Variants in FAM114A2 observed in about 807,000 individuals in gnomAD.
FAM114A2 encodes the protein protein FAM114A2.
Under a neutral mutation model 58.4 loss-of-function variants are expected in FAM114A2, and 53 were observed. That is an observed-to-expected ratio of 0.91 (90% CI 0.73 to 1.14). FAM114A2 has a LOEUF of 1.14. Ranked by LOEUF, FAM114A2 falls within the 50% of genes most tolerant of loss-of-function variation. The pLI, the probability that FAM114A2 is intolerant of heterozygous loss-of-function variation, is 0.00. For synonymous variants in FAM114A2, 228 were observed against 211.4 expected (o/e 1.08, Z -0.68); for missense variants, 601 against 581.1 (o/e 1.03, Z -0.35).
intron 8 of FAM114A2, among the ~76,000 whole-genome samples, chr5:154,023,453 A>T (rs1027069220): frequency 2.0e-5 from 3 of 152,206 alleles, no homozygotes; most frequent in African/African-American, 7.2e-5. Context: ...CATAAAAACG[A>T]ATGAATTAAT....
rs905896041 is a variant in FAM114A2 at position 153,992,161 on chromosome 5, T to C, written c.*815A>G. 2.0e-5 allele frequency: 3 copies of C among 152,232 alleles called. No homozygotes were observed. The highest frequency in any genetic ancestry group is 7.2e-5 in the African/African-American group (3 of 41,468). 9.4% of individuals were successfully genotyped at this position (152,232 alleles called of 1,614,324 possible). ...TTCAACATTCCTTTGGAGTTTGCTG[T>C]TAAAGAATTTATCCTGCATATATGG... On this transcript the variant is annotated 3_prime_UTR_variant, in exon 14 of 14. Coordinates refer to ENST00000351797, the MANE Select transcript of FAM114A2 (RefSeq NM_018691.4).
At chr5:154,015,253 G>A (rs150848804) in intron 8 of FAM114A2, among the ~76,000 whole-genome samples, 4 of 152,140 alleles carry the variant, frequency 2.6e-5, no homozygotes, top group Non-Finnish European at 4.4e-5. Flanking sequence ...CTCACTGCCT[G>A]TTCCTCTCCA....
rs575726636 is a variant in FAM114A2 at position 154,019,696 on chromosome 5, T to C, written c.913+6703A>G. Among the ~76,000 whole-genome samples the C allele has an allele frequency of 1.5e-3, 222 of 152,222 alleles. 1 individual carries two copies. Among genetic ancestry groups the C allele is most frequent in the African/African-American group, 5.1e-3 (212 of 41,532 alleles). ...GTATAAAAACAGGCACGTAGTCCAA[T>C]AGAACAGAATAGAGAACCCAGAAAC... On this transcript the variant is annotated intron_variant, in intron 8 of 13. Coordinates refer to ENST00000351797, the MANE Select transcript of FAM114A2 (RefSeq NM_018691.4).
At position 154,002,135 on chromosome 5, in the gene FAM114A2, AT is replaced by A. The variant is rs1770014257; in HGVS notation, c.1256+115del. On this transcript the variant is annotated intron_variant, in intron 11 of 13. Coordinates refer to ENST00000351797, the MANE Select transcript of FAM114A2 (RefSeq NM_018691.4). The stretch of plus-strand genomic sequence containing the variant: ...AACCAAAATGAACAAACCATCTAAT[AT>A]GTGGATGGGTGTGACGTGAATGGTT... 3.6e-6 allele frequency: 3 copies of A among 840,644 alleles called. No individual in the cohort carries two copies. The South Asian group carries it at 5.4e-5, about 15-fold the overall frequency. 52.1% of individuals were successfully genotyped at this position (840,644 alleles called of 1,614,324 possible).
intron 5 of FAM114A2, among the ~76,000 whole-genome samples, chr5:154,028,644 A>C (rs905585499): frequency 6.6e-6 from 1 of 152,250 alleles, no homozygotes; most frequent in South Asian, 2.1e-4. Flanking sequence ...TGGAATGAAT[A>C]AATAAAACGT....
chr5:154,020,715 G>T (rs190383212), intron 8 of FAM114A2, among the ~76,000 whole-genome samples: 68 of 152,020 alleles, frequency 4.5e-4, no homozygotes, highest in Middle Eastern at 3.4e-3. Flanking sequence ...TCTAGCAAAG[G>T]GACAAAGAGG....
intron 8 of FAM114A2, among the ~76,000 whole-genome samples, chr5:154,017,390 C>T (rs1027900172): frequency 1.3e-5 from 2 of 152,096 alleles, no homozygotes; most frequent in African/African-American, 2.4e-5. Flanking sequence ...TGCGGTGAGC[C>T]GAGATCGTGC....
intron 4 of FAM114A2, among the ~76,000 whole-genome samples, chr5:154,030,537 G>T (rs1291123319): frequency 6.6e-6 from 1 of 152,190 alleles, no homozygotes; most frequent in Non-Finnish European, 1.5e-5. Flanking sequence ...CTTACAATTG[G>T]CTTGGCTTTC....
At chr5:154,003,832 A>G (rs554874873) in intron 9 of FAM114A2, among the ~76,000 whole-genome samples, 4 of 152,366 alleles carry the variant, frequency 2.6e-5, no homozygotes, top group South Asian at 2.1e-4. Context: ...TAGTTCATTC[A>G]TATTAACTGC....
chr5:154,031,879 G>C (rs1188595219), intron 4 of FAM114A2, among the ~76,000 whole-genome samples: 2 of 152,150 alleles, frequency 1.3e-5, no homozygotes, highest in Non-Finnish European at 2.9e-5. Flanking sequence ...TATGCCAAAG[G>C]GAACAGTTAA....
intron 9 of FAM114A2, among the ~76,000 whole-genome samples, chr5:154,006,795 GAT>G (rs1491412481): frequency 2.4e-5 from 3 of 122,570 alleles, no homozygotes; most frequent in Non-Finnish European, 5.0e-5. Flanking sequence ...ACCCAAAGGA[GAT>G]TTTTTTTTTT....
chr5:154,002,614 T>A (rs1251381429), intron 10 of FAM114A2, among the ~76,000 whole-genome samples: 3 of 152,168 alleles, frequency 2.0e-5, no homozygotes, highest in Non-Finnish European at 4.4e-5. Context: ...AGATAACAAG[T>A]GTCAGGCAGC....
At chr5:154,008,177 C>T (rs977007971) in intron 9 of FAM114A2, among the ~76,000 whole-genome samples, 3 of 152,058 alleles carry the variant, frequency 2.0e-5, no homozygotes, top group Non-Finnish European at 2.9e-5. Context: ...AATATATCTG[C>T]TTATCTTTAC....
chr5:154,001,130 A>C (rs1769941733), intron 11 of FAM114A2, among the ~76,000 whole-genome samples: 2 of 152,358 alleles, frequency 1.3e-5, no homozygotes, highest in South Asian at 4.1e-4. Flanking sequence ...ATGGATTTCA[A>C]CTTACTTGCT....
intron 8 of FAM114A2, among the ~76,000 whole-genome samples, chr5:154,015,354 G>A (rs1420438933): frequency 5.3e-5 from 8 of 152,138 alleles, no homozygotes; most frequent in African/African-American, 1.4e-4. Context: ...CCAAAGCCAA[G>A]GATGCTCACA....
At chr5:154,007,756 A>G (rs1770448886) in intron 9 of FAM114A2, among the ~76,000 whole-genome samples, 1 of 152,258 alleles carries the variant, frequency 6.6e-6, no homozygotes, top group African/African-American at 2.4e-5. Context: ...GAACAGCTAC[A>G]TGTAGAGGAC....
chr5:154,021,854 A>C (rs1488703766), intron 8 of FAM114A2, among the ~76,000 whole-genome samples: 1 of 152,230 alleles, frequency 6.6e-6, no homozygotes, highest in Non-Finnish European at 1.5e-5. Flanking sequence ...ATCCTAAGCC[A>C]AAAGAACAAA....
intron 8 of FAM114A2, 76 bp downstream of exon 8, chr5:154,026,323 A>C: frequency 9.0e-7 from 1 of 1,117,070 alleles, no homozygotes; most frequent in South Asian, 2.4e-5. Context: ...AAGAGTAAAT[A>C]ATTTATTTCA....
At chr5:154,038,392 C>G (rs749308533) in intron 1 of FAM114A2, 1 of 152,218 alleles carries the variant, frequency 6.6e-6, no homozygotes. Flanking sequence ...GGTCACCTGT[C>G]TGCCTCTCCG....
Sources: allele counts gnomAD v4.1 joint callset (sites outside exome capture counted in the v4.1 genomes callset), GRCh38; gene constraint gnomAD v4.1.1; transcripts MANE v1.5; gene names NCBI Gene and HGNC (gene_info 2026-07-23, HGNC 2026-07-21).